The following TTC34 variants were observed in gnomAD, a reference collection of about 807,000 sequenced individuals.
TTC34 encodes the protein tetratricopeptide repeat domain 34.
TTC34 carries 44 observed loss-of-function variants against 40.7 expected under a neutral mutation model. The ratio of observed to expected loss-of-function variants is 1.08; its 90% CI spans 0.85 to 1.39. The LOEUF (loss-of-function observed/expected upper bound fraction) is 1.39. TTC34 is among the 40% of genes most tolerant of loss of function. The probability of loss-of-function intolerance (pLI) is 0.00; values close to 1 mark genes in which losing one functional copy is unlikely to be tolerated. For synonymous variants in TTC34, 422 were observed against 398.6 expected, an observed-to-expected ratio of 1.06 and a Z score of -0.70; for missense variants, 884 against 838.0, an observed-to-expected ratio of 1.05 and a Z score of -0.68.
chr1:2,773,006 C>A (rs1642517331), intron 6 of TTC34, among the ~76,000 whole-genome samples: 1 of 150,808 alleles, frequency 6.6e-6, no homozygotes, highest in African/African-American at 2.4e-5. Context: ...CAGCCTGGAG[C>A]AGCACCCACA....
At chr1:2,686,667 G>C (rs1640365470) in intron 6 of TTC34, among the ~76,000 whole-genome samples, 2 of 151,480 alleles carry the variant, frequency 1.3e-5, no homozygotes, top group African/African-American at 2.4e-5. Flanking sequence ...TGACAGCCTG[G>C]AACAGCACCC....
At chr1:2,799,410 G>T (rs1379466170) in intron 2 of TTC34, among the ~76,000 whole-genome samples, 1 of 152,166 alleles carries the variant, frequency 6.6e-6, no homozygotes, top group East Asian at 1.9e-4. Flanking sequence ...AGGCATGATG[G>T]TGGGTGCCTG....
intron 6 of TTC34, among the ~76,000 whole-genome samples, chr1:2,757,660 A>G (rs1641551511): frequency 6.9e-6 from 1 of 144,816 alleles, no homozygotes; most frequent in African/African-American, 2.6e-5. Flanking sequence ...AGCCTGGAGC[A>G]GGACCCACAC....
At chr1:2,782,489 G>T (rs527454343) in intron 6 of TTC34, among the ~76,000 whole-genome samples, 99 of 138,216 alleles carry the variant, frequency 7.2e-4, no homozygotes, top group African/African-American at 2.7e-3. Flanking sequence ...ATGTTTTATT[G>T]ATCTCTGCTG....
intron 6 of TTC34, among the ~76,000 whole-genome samples, chr1:2,777,777 C>T (rs1643326603): frequency 1.3e-5 from 2 of 152,184 alleles, no homozygotes; most frequent in Non-Finnish European, 2.9e-5. Context: ...TACCGTCACT[C>T]CCACATGCTA....
chr1:2,796,562 A>G lies in TTC34; in HGVS notation c.784+3482T>C, dbSNP rs1569976969. Among the ~76,000 whole-genome samples, 2 of 152,086 alleles carry G rather than the reference A, an allele frequency of 1.3e-5. No individual in the cohort carries two copies. Among genetic ancestry groups the G allele is most frequent in the East Asian group, 1.9e-4 (1 of 5,152 alleles). On this transcript the variant is annotated intron_variant, in intron 2 of 8. Transcript: ENST00000401095. This position sits in a 1 kb window ranked among gnomAD's most constrained non-coding sequence, Gnocchi z 4.5. ...CCCTCACATTCCCCAAGCCTGCAAC[A>G]CTTGGGGGGTTCTGGATTTCTGCAG...
chr1:2,794,707 C>T (rs532926547), intron 2 of TTC34, among the ~76,000 whole-genome samples: 18 of 152,206 alleles, frequency 1.2e-4, no homozygotes, highest in African/African-American at 4.3e-4. Context: ...TGAATTGTCA[C>T]CATTGAGTAT....
chr1:2,694,867 C>T lies in TTC34; in HGVS notation c.2227-49304G>A, dbSNP rs1391322251. On this transcript the variant is annotated intron_variant, in intron 6 of 8. Coordinates refer to ENST00000401095, the Ensembl canonical transcript of TTC34. Reference sequence around the variant, plus strand: ...GCATCTGATGGTCTGGAGCAGCACCCACAACCACAGGTGAGCATCCGACAG... The same window carrying T: ...GCATCTGATGGTCTGGAGCAGCACCTACAACCACAGGTGAGCATCCGACAG... Among the ~76,000 whole-genome samples, 2 of 97,994 alleles carry T rather than the reference C, an allele frequency of 2.0e-5. 1 individual carries two copies. Among genetic ancestry groups the T allele is most frequent in the Non-Finnish European group, 4.7e-5 (2 of 42,270 alleles). 64.3% of individuals were successfully genotyped at this position (97,994 alleles called of 152,430 possible).
chr1:2,684,229 C>CCCACACCCCCA (rs1640213848), intron 6 of TTC34, among the ~76,000 whole-genome samples: 1 of 151,258 alleles, frequency 6.6e-6, no homozygotes, highest in African/African-American at 2.5e-5. Flanking sequence ...TGGAACAGCA[C>CCCACACCCCCA]GCACAGCCCC....
chr1:2,681,667 C>A (rs1243355496), intron 6 of TTC34, among the ~76,000 whole-genome samples: 2 of 88,330 alleles, frequency 2.3e-5, no homozygotes, highest in East Asian at 2.7e-4. Flanking sequence ...ATCCACACCC[C>A]CAGGTGAGCA....
chr1:2,685,241 C>CG (rs1640277973), intron 6 of TTC34, among the ~76,000 whole-genome samples: 9 of 4,644 alleles, frequency 1.9e-3, no homozygotes, highest in African/African-American at 3.1e-3. Flanking sequence ...ACCCACACCC[C>CG]AGGTGAGCAT....
exon 8 of TTC34, chr1:2,644,470 C>T (rs1046342121): frequency 1.5e-5 from 23 of 1,532,912 alleles, no homozygotes; most frequent in Admixed American, 1.2e-4. Flanking sequence ...CCAGCTTCCT[C>T]GTAGCTGCCT....
At chr1:2,787,347 G>A (rs1643603570) in intron 4 of TTC34, 134 bp downstream of exon 4, 3 of 744,550 alleles carry the variant, frequency 4.0e-6, no homozygotes, top group Non-Finnish European at 6.1e-6. Flanking sequence ...CAGGTGCAGA[G>A]CTGGGGCTGA....
chr1:2,757,771 C>T lies in TTC34; in HGVS notation c.2226+25838G>A, dbSNP rs1355306526. On this transcript the variant is annotated intron_variant, in intron 6 of 8. Transcript: ENST00000401095. ...CCACACCCACAGGCGAGCATCTGAACCCACGGAGCAGCACCCACACCTTCC... is the reference window on the plus strand; with the variant it reads ...CCACACCCACAGGCGAGCATCTGAATCCACGGAGCAGCACCCACACCTTCC... 2.2e-5 allele frequency among the ~76,000 whole-genome samples: 3 copies of T among 133,726 alleles called. No individual in the cohort carries two copies. In the East Asian group the frequency reaches 6.7e-4, roughly 30 times the overall value. The allele number at this position is 133,726 out of a possible 152,430, so 87.7% of individuals were successfully genotyped here.
Position 2,799,917 on chromosome 1 carries a change from T to G in TTC34, c.784+127A>C, listed in dbSNP as rs61766524. 4.6e-3 allele frequency: 1,840 copies of G among 397,922 alleles called. 11 individuals carry two copies. Among genetic ancestry groups the G allele is most frequent in the Non-Finnish European group, 6.7e-3 (1,508 of 226,204 alleles). 24.6% of individuals were successfully genotyped at this position (397,922 alleles called of 1,614,324 possible). A position where few individuals can be genotyped will look rare whatever the true frequency, so the allele number is the denominator to read the frequency against. On this transcript the variant is annotated intron_variant, in intron 2 of 8. Coordinates refer to ENST00000401095, the Ensembl canonical transcript of TTC34. ...GCTCCAAAGGGGCAGGGCCTGACTT[T>G]CTTGTCACTGAGGCACCCCAGCCCC...
Position 2,796,767 on chromosome 1 carries a change from C to T in TTC34, c.784+3277G>A, listed in dbSNP as rs138047344. 3.4e-4 allele frequency among the ~76,000 whole-genome samples: 52 copies of T among 152,234 alleles called. No homozygotes were observed. Among genetic ancestry groups the T allele is most frequent in the Non-Finnish European group, 4.6e-4 (31 of 68,008 alleles). On this transcript the variant is annotated intron_variant, in intron 2 of 8. Coordinates refer to ENST00000401095, the Ensembl canonical transcript of TTC34. This position sits in a 1 kb window ranked among gnomAD's most constrained non-coding sequence, Gnocchi z 4.5. ...CCTCCTTCCTCAGAAGCTCACGATT[C>T]GGTGTGACTTTGTTGATCATTTTCT...
intron 6 of TTC34, among the ~76,000 whole-genome samples, chr1:2,753,377 C>T (rs1319147119): frequency 7.7e-6 from 1 of 129,212 alleles, no homozygotes; most frequent in Non-Finnish European, 1.6e-5. Context: ...CACCCACACC[C>T]CCAGGCGAGC....
intron 6 of TTC34, among the ~76,000 whole-genome samples, chr1:2,687,201 A>ACAC (rs1199532418): frequency 7.0e-6 from 1 of 141,900 alleles, no homozygotes; most frequent in East Asian, 2.0e-4. Context: ...AGCAGCACCC[A>ACAC]CACCTCCCGG....
intron 3 of TTC34, 66 bp from the exon 4 acceptor site, chr1:2,787,772 G>A (rs1643611368): frequency 7.5e-7 from 1 of 1,336,592 alleles, no homozygotes; most frequent in African/African-American, 1.5e-5. Flanking sequence ...CCAGGTGATT[G>A]GGCAGTGGGG....
Sources: gnomAD v4.1 joint callset for allele counts (sites outside exome capture counted in the v4.1 genomes callset) on GRCh38, gnomAD v4.1.1 for gene constraint, Gnocchi (gnomAD v3.1) non-coding constraint, MANE v1.5 for transcripts, NCBI Gene and HGNC (gene_info 2026-07-23, HGNC 2026-07-21) for gene names.